The following POT1 variants were observed in gnomAD, a reference collection of about 807,000 sequenced individuals.
POT1 encodes protection of telomeres 1.
In POT1, 47 loss-of-function variants were observed where a neutral mutation model predicts 78.5. That is an observed-to-expected ratio of 0.60 (90% CI 0.47 to 0.76). POT1 has a LOEUF of 0.76. Among genes scored for constraint, POT1 ranks in the 30% least tolerant of loss-of-function variants. POT1 has a pLI of 0.00. For missense variants in POT1, 646 were observed against 749.9 expected (o/e 0.86, Z 1.62); for synonymous variants, 259 against 260.7 (o/e 0.99, Z 0.06).
At chr7:124,903,722 C>T (rs1439424750) in intron 3 of POT1, among the ~76,000 whole-genome samples, 2 of 152,060 alleles carry the variant, frequency 1.3e-5, no homozygotes. Context: ...TTCAAAAAAT[C>T]AATGAATCCA....
At chr7:124,826,052 T>TAGTTTAACAATATGATGTAGGGTGG (rs1309469887) in intron 17 of POT1, among the ~76,000 whole-genome samples, 1 of 152,164 alleles carries the variant, frequency 6.6e-6, no homozygotes, top group African/African-American at 2.4e-5. Flanking sequence ...TCACTATGAA[T>TAGTTTAACAATATGATGTAGGGTGG]AGTTTAACAA....
chr7:124,925,487 C>T (rs1305217680), intron 2 of POT1, among the ~76,000 whole-genome samples: 2 of 152,012 alleles, frequency 1.3e-5, no homozygotes, highest in Non-Finnish European at 2.9e-5. Context: ...AAAAACATCC[C>T]ATGCTCGTGG....
intron 15 of POT1, among the ~76,000 whole-genome samples, chr7:124,831,375 A>C (rs538316801): frequency 6.6e-6 from 1 of 152,360 alleles, no homozygotes; most frequent in South Asian, 2.1e-4. Context: ...AAGGACTCAC[A>C]GTAAGAAATT....
intron 6 of POT1, among the ~76,000 whole-genome samples, chr7:124,891,233 G>T (rs2116626580): frequency 6.6e-6 from 1 of 151,702 alleles, no homozygotes; most frequent in South Asian, 2.1e-4. Flanking sequence ...TATTTTCTTG[G>T]TGAATTAACC....
chr7:124,840,923 A>C (rs941773550), intron 14 of POT1, 50 bp downstream of exon 14: 2 of 1,407,308 alleles, frequency 1.4e-6, no homozygotes, highest in African/African-American at 2.9e-5. Flanking sequence ...TTAATTAGGA[A>C]AAATATGCAA....
At chr7:124,883,243 A>C (rs561282187) in intron 6 of POT1, among the ~76,000 whole-genome samples, 3 of 152,238 alleles carry the variant, frequency 2.0e-5, no homozygotes, top group African/African-American at 7.2e-5. Flanking sequence ...ATATATATTC[A>C]AAAAGCATGG....
chr7:124,899,210 T>G (rs909611622), intron 3 of POT1, among the ~76,000 whole-genome samples: 1 of 152,186 alleles, frequency 6.6e-6, no homozygotes, highest in African/African-American at 2.4e-5. Flanking sequence ...ATACTGAAGA[T>G]AGTGGTCATT....
At chr7:124,873,564 TA>T (rs1795920961) in intron 6 of POT1, among the ~76,000 whole-genome samples, 1 of 152,212 alleles carries the variant, frequency 6.6e-6, no homozygotes. Flanking sequence ...GTTCAGTTTT[TA>T]TTGTGTCTTT....
chr7:124,895,727 T>C (rs1796476887), intron 5 of POT1, among the ~76,000 whole-genome samples: 1 of 151,542 alleles, frequency 6.6e-6, no homozygotes, highest in Non-Finnish European at 1.5e-5. Context: ...AAGAACTAAT[T>C]AAATGAAGTA....
intron 9 of POT1, among the ~76,000 whole-genome samples, chr7:124,854,428 A>T (rs1236625402): frequency 2.6e-5 from 4 of 151,718 alleles, no homozygotes; most frequent in Non-Finnish European, 5.9e-5. Flanking sequence ...TCAATCCTAT[A>T]AAAGGAAACG....
At chr7:124,833,269 G>GGGCAAT (rs1794813663) in intron 15 of POT1, among the ~76,000 whole-genome samples, 1 of 152,082 alleles carries the variant, frequency 6.6e-6, no homozygotes, top group Admixed American at 6.6e-5. Flanking sequence ...GAAGGACAGA[G>GGGCAAT]GGCAATGCCT....
chr7:124,860,810 A>G lies in POT1; in HGVS notation c.547-1698T>C, dbSNP rs930845633. 4.0e-5 allele frequency among the ~76,000 whole-genome samples: 6 copies of G among 149,034 alleles called. 1 individual carries two copies. Among genetic ancestry groups the G allele is most frequent in the Admixed American group, 2.0e-4 (3 of 14,968 alleles). On this transcript the variant is annotated intron_variant, in intron 8 of 18. Transcript: ENST00000357628. ...GTGTGATGTTCCCCTCCCTGTCTCC[A>G]TGTGTTCTCATTGTTCAACTCCCAC...
At chr7:124,876,119 A>G (rs1055666724) in intron 6 of POT1, among the ~76,000 whole-genome samples, 13 of 152,222 alleles carry the variant, frequency 8.5e-5, no homozygotes, top group African/African-American at 2.9e-4. Context: ...AAAGTTTTCA[A>G]AAGTATTTTG....
At chr7:124,913,256 C>T (rs949448904) in intron 3 of POT1, among the ~76,000 whole-genome samples, 2 of 152,098 alleles carry the variant, frequency 1.3e-5, no homozygotes, top group African/African-American at 4.8e-5. Context: ...ATATCAACAA[C>T]CATCAGTATT....
intron 3 of POT1, among the ~76,000 whole-genome samples, chr7:124,905,621 C>A (rs1796746242): frequency 6.6e-6 from 1 of 151,916 alleles, no homozygotes; most frequent in African/African-American, 2.4e-5. Context: ...GCAACAAAAG[C>A]CAAAATTGAC....
intron 15 of POT1, 143 bp from the exon 16 acceptor site, chr7:124,829,485 CTTGT>C (rs950931583): frequency 3.7e-5 from 21 of 563,632 alleles, no homozygotes; most frequent in African/African-American, 3.0e-4. Flanking sequence ...TTGTAATGTG[CTTGT>C]TTGTTTCACA....
At chr7:124,828,651 T>C (rs1794687674) in intron 16 of POT1, among the ~76,000 whole-genome samples, 2 of 151,890 alleles carry the variant, frequency 1.3e-5, no homozygotes, top group Admixed American at 1.3e-4. Context: ...AACAAAGATA[T>C]TACATTAAGA....
At chr7:124,900,111 T>C (rs1163097473) in intron 3 of POT1, among the ~76,000 whole-genome samples, 2 of 152,178 alleles carry the variant, frequency 1.3e-5, no homozygotes, top group Non-Finnish European at 2.9e-5. Context: ...TAAACATGGA[T>C]TTATATTTGA....
chr7:124,845,611 TA>T (rs1795145254), intron 12 of POT1, among the ~76,000 whole-genome samples: 1 of 152,180 alleles, frequency 6.6e-6, no homozygotes, highest in Admixed American at 6.5e-5. Flanking sequence ...AAGAATATAC[TA>T]GAGAAAATGT....
Sources: gnomAD v4.1 joint callset for allele counts (sites outside exome capture counted in the v4.1 genomes callset) on GRCh38, gnomAD v4.1.1 for gene constraint, MANE v1.5 for transcripts, NCBI Gene and HGNC (gene_info 2026-07-23, HGNC 2026-07-21) for gene names.